The following GCNT2 variants were observed in gnomAD, a reference collection of about 807,000 sequenced individuals.
GCNT2 encodes N-acetyllactosaminide beta-1,6-N-acetylglucosaminyl-transferase.
In GCNT2, 34 loss-of-function variants were observed where a neutral mutation model predicts 34.2. The observed-to-expected ratio is 1.00, with a 90% confidence interval of 0.76 to 1.32. GCNT2 has a LOEUF of 1.32. GCNT2 is among the 40% of genes most tolerant of loss of function. GCNT2 has a pLI of 0.00. For synonymous variants in GCNT2, 212 were observed against 188.0 expected (o/e 1.13, Z -1.04); for missense variants, 584 against 489.4 (o/e 1.19, Z -1.82).
intron 3 of GCNT2, among the ~76,000 whole-genome samples, chr6:10,531,526 C>G (rs1410063570): frequency 6.6e-6 from 1 of 152,170 alleles, no homozygotes; most frequent in African/African-American, 2.4e-5. Flanking sequence ...CCAAGTGATT[C>G]TCATGTACAG....
At chr6:10,542,310 C>T (rs115275513) in intron 3 of GCNT2, among the ~76,000 whole-genome samples, 1,611 of 152,278 alleles carry the variant, frequency 0.011, 28 homozygotes, top group African/African-American at 0.037. Context: ...ACGCACTAAA[C>T]TAATTGCCTT....
intron 3 of GCNT2, among the ~76,000 whole-genome samples, chr6:10,564,678 T>C (rs1763197055): frequency 6.6e-6 from 1 of 152,240 alleles, no homozygotes; most frequent in Non-Finnish European, 1.5e-5. Context: ...TACCTGACTT[T>C]TGTGTCTCAG....
chr6:10,536,706 C>CTTT lies in GCNT2; in HGVS notation c.925+6883_925+6885dup, dbSNP rs553671576. On this transcript the variant is annotated intron_variant, in intron 3 of 4. Transcript: ENST00000495262. ...AGAGAGTTGGGACACCTGTGAGTTC[C>CTTT]TTTTTTTTTTTTTTTGAGATGGAGT... 1.6e-3 allele frequency among the ~76,000 whole-genome samples: 214 copies of CTTT among 130,414 alleles called. 1 individual carries two copies. The highest frequency in any genetic ancestry group is 5.9e-3 in the African/African-American group (207 of 35,138). 85.6% of individuals were successfully genotyped at this position (130,414 alleles called of 152,430 possible).
chr6:10,539,656 A>G (rs1761949240), intron 3 of GCNT2, among the ~76,000 whole-genome samples: 1 of 152,192 alleles, frequency 6.6e-6, no homozygotes, highest in Non-Finnish European at 1.5e-5. Context: ...GAGAGAGAAA[A>G]CAGATGAACT....
chr6:10,553,616 G>C (rs538628126), intron 3 of GCNT2, among the ~76,000 whole-genome samples: 2 of 152,278 alleles, frequency 1.3e-5, no homozygotes, highest in Non-Finnish European at 2.9e-5. Context: ...TAAATAGGCC[G>C]GGCGTGGTGG....
At chr6:10,545,696 C>T (rs965360803) in intron 3 of GCNT2, among the ~76,000 whole-genome samples, 1 of 152,132 alleles carries the variant, frequency 6.6e-6, no homozygotes, top group African/African-American at 2.4e-5. Context: ...TAGCTGCTTT[C>T]CTGAGTTTAG....
In GCNT2 at chr6:10,627,582, T is replaced by A. The variant is rs1405030991; in HGVS notation, c.*975T>A. Reference sequence around the variant, plus strand: ...AAGAGCCTTCAATTGTAGATGAACATCTCTGTTATTTATCCCTCATTCATC... The same window carrying A: ...AAGAGCCTTCAATTGTAGATGAACAACTCTGTTATTTATCCCTCATTCATC... On this transcript the variant is annotated 3_prime_UTR_variant, in exon 5 of 5. Transcript: ENST00000495262. 1 of 152,178 alleles carries A rather than the reference T, an allele frequency of 6.6e-6. No homozygotes were observed. Among genetic ancestry groups the A allele is most frequent in the Non-Finnish European group, 1.5e-5 (1 of 68,076 alleles). The allele number at this position is 152,178 out of a possible 1,614,324, so 9.4% of individuals were successfully genotyped here. A position where few individuals can be genotyped will look rare whatever the true frequency, so the allele number is the denominator to read the frequency against.
intron 1 of GCNT2, among the ~76,000 whole-genome samples, chr6:10,526,555 C>G (rs916095624): frequency 1.3e-5 from 2 of 152,118 alleles, no homozygotes; most frequent in African/African-American, 4.8e-5. Flanking sequence ...AGGATTTAAG[C>G]TTGCATCTTC....
intron 3 of GCNT2, among the ~76,000 whole-genome samples, chr6:10,540,003 G>A (rs929575784): frequency 4.6e-5 from 7 of 152,102 alleles, no homozygotes; most frequent in African/African-American, 1.7e-4. Flanking sequence ...GCTTGAGCAC[G>A]GGAGGTCGGG....
rs929404541 is a variant in GCNT2 at position 10,599,876 on chromosome 6, T to C, written c.926-21475T>C. Among the ~76,000 whole-genome samples, 54 of 152,116 alleles carry C rather than the reference T, an allele frequency of 3.5e-4. 1 individual carries two copies. Among genetic ancestry groups the C allele is most frequent in the African/African-American group, 1.3e-3 (53 of 41,430 alleles). On this transcript the variant is annotated intron_variant, in intron 3 of 4. Transcript: ENST00000495262. Reference sequence around the variant, plus strand: ...GCACATAGAAAGAGGAAGGTTGTGGTGATGAAGTTTTTTTGAGTGGAAGAT... The same window carrying C: ...GCACATAGAAAGAGGAAGGTTGTGGCGATGAAGTTTTTTTGAGTGGAAGAT...
At chr6:10,595,326 G>A (rs1229435086) in intron 3 of GCNT2, among the ~76,000 whole-genome samples, 1 of 151,896 alleles carries the variant, frequency 6.6e-6, no homozygotes, top group Non-Finnish European at 1.5e-5. Flanking sequence ...TCCCCAGGCT[G>A]GAGTGCAGTG....
At chr6:10,541,011 GT>G (rs1762014703) in intron 3 of GCNT2, among the ~76,000 whole-genome samples, 1 of 152,088 alleles carries the variant, frequency 6.6e-6, no homozygotes, top group African/African-American at 2.4e-5. Context: ...TATTGTTTTT[GT>G]TTTCTTTCTA....
intron 3 of GCNT2, chr6:10,557,219 G>T: frequency 1.3e-6 from 2 of 1,586,672 alleles, no homozygotes; most frequent in Non-Finnish European, 1.7e-6. Flanking sequence ...TGCCTATGTG[G>T]CTCTATCAAG....
chr6:10,581,549 C>T (rs1764069272), intron 3 of GCNT2, among the ~76,000 whole-genome samples: 1 of 152,180 alleles, frequency 6.6e-6, no homozygotes, highest in South Asian at 2.1e-4. Context: ...GGATTACCGG[C>T]ATGAACCACT....
chr6:10,555,498 A>G (rs1297301518), intron 3 of GCNT2, among the ~76,000 whole-genome samples: 2 of 152,176 alleles, frequency 1.3e-5, no homozygotes. Context: ...CCCCTGTCTG[A>G]GCATCATTTG....
At chr6:10,537,755 T>G (rs1354670691) in intron 3 of GCNT2, among the ~76,000 whole-genome samples, 2 of 146,682 alleles carry the variant, frequency 1.4e-5, no homozygotes, top group Non-Finnish European at 3.0e-5. Context: ...AGAAAATGCA[T>G]TTAATGTACC....
At position 10,620,676 on chromosome 6, in the gene GCNT2, T is replaced by C. The variant is rs374863752; in HGVS notation, c.926-675T>C. On this transcript the variant is annotated intron_variant, in intron 3 of 4. Coordinates refer to ENST00000495262, the MANE Select transcript of GCNT2 (RefSeq NM_145649.5). ...GATTACAGGCATGAACCACTATGTCTGGCAACTTCTTCTCTAGTAATGATT... is the reference window on the plus strand; with the variant it reads ...GATTACAGGCATGAACCACTATGTCCGGCAACTTCTTCTCTAGTAATGATT... Among the ~76,000 whole-genome samples, 41 of 152,324 alleles carry C rather than the reference T, an allele frequency of 2.7e-4. 1 individual carries two copies. The highest frequency in any genetic ancestry group is 9.9e-4 in the African/African-American group (41 of 41,570).
intron 3 of GCNT2, among the ~76,000 whole-genome samples, chr6:10,583,892 C>T (rs548789610): frequency 1.3e-5 from 2 of 152,308 alleles, no homozygotes; most frequent in African/African-American, 4.8e-5. Flanking sequence ...TCTGGGAACA[C>T]TATCACATTT....
chr6:10,587,835 T>C (rs1454874747), intron 3 of GCNT2, among the ~76,000 whole-genome samples: 1 of 152,110 alleles, frequency 6.6e-6, no homozygotes, highest in Non-Finnish European at 1.5e-5. Flanking sequence ...CCCAGCATGG[T>C]TGTGGGTGAC....
Sources: gnomAD v4.1 joint callset for allele counts (sites outside exome capture counted in the v4.1 genomes callset) on GRCh38, gnomAD v4.1.1 for gene constraint, MANE v1.5 for transcripts, NCBI Gene and HGNC (gene_info 2026-07-23, HGNC 2026-07-21) for gene names.